Variants in BRK1 observed in about 807,000 individuals in gnomAD.
BRK1 encodes the protein protein BRICK1.
In BRK1, 6 loss-of-function variants were observed where a neutral mutation model predicts 9.9. That is an observed-to-expected ratio of 0.60 (90% CI 0.33 to 1.19). The LOEUF (loss-of-function observed/expected upper bound fraction) is 1.19, where lower values mean the gene tolerates loss of function less well. BRK1 is among the 50% of genes most tolerant of loss of function. The pLI, the probability that BRK1 is intolerant of heterozygous loss-of-function variation, is 0.04. For synonymous variants in BRK1, 44 were observed against 31.9 expected (o/e 1.38, Z -1.28); for missense variants, 62 against 97.5 (o/e 0.64, Z 1.53).
At chr3:10,121,405 T>G (rs1695754288) in intron 1 of BRK1, among the ~76,000 whole-genome samples, 1 of 152,178 alleles carries the variant, frequency 6.6e-6, no homozygotes, top group South Asian at 2.1e-4. Context: ...TAGTGTGCAT[T>G]GGGATGCACA....
rs190910699 is a variant in BRK1 at position 10,123,881 on chromosome 3, A to G, written c.119-1745A>G. 0.17 allele frequency among the ~76,000 whole-genome samples: 24,406 copies of G among 147,466 alleles called. 2,506 individuals are homozygous for G. The highest frequency in any genetic ancestry group is 0.3 in the African/African-American group (11,766 of 39,862). On this transcript the variant is annotated intron_variant, in intron 1 of 2. Coordinates refer to ENST00000530758, the MANE Select transcript of BRK1 (RefSeq NM_018462.5). Reference sequence around the variant, plus strand: ...CTCCCGAGTAGCTGGGACTAGAGGCACCCGCCACCACACCCAGCTAATTTT... The same window carrying G: ...CTCCCGAGTAGCTGGGACTAGAGGCGCCCGCCACCACACCCAGCTAATTTT...
intron 1 of BRK1, among the ~76,000 whole-genome samples, chr3:10,122,085 C>CTT (rs113981551): frequency 1.4e-4 from 20 of 145,208 alleles, no homozygotes; most frequent in South Asian, 1.3e-3. Flanking sequence ...GACAGGATTT[C>CTT]TTTTTTTTTT....
chr3:10,115,822 C>G lies in BRK1; in HGVS notation c.118+3C>G. The G allele has an allele frequency of 1.9e-6, 3 of 1,611,728 alleles. No individual in the cohort carries two copies. Among genetic ancestry groups the G allele is most frequent in the Non-Finnish European group, 2.5e-6 (3 of 1,177,872 alleles). ...CGCAGACTTTCTCAACTCGTTCGGTCAGCGGGCCAGCAAGGGGAGGCGGGG... is the reference window on the plus strand; with the variant it reads ...CGCAGACTTTCTCAACTCGTTCGGTGAGCGGGCCAGCAAGGGGAGGCGGGG... On this transcript the variant is annotated splice_donor_region_variant and intron_variant, in intron 1 of 2. Transcript: ENST00000530758.
Position 10,117,393 on chromosome 3 carries a change from C to CTTTTTTTT in BRK1, c.118+1587_118+1594dup, listed in dbSNP as rs756307171. ...CTTTATTTGGGCTTTTCAACAAATT[C>CTTTTTTTT]TTTTTTTTTTTTTTTTTTTTGAGAC... On this transcript the variant is annotated intron_variant, in intron 1 of 2. Transcript: ENST00000530758. Among the ~76,000 whole-genome samples, 2 of 118,652 alleles carry CTTTTTTTT rather than the reference C, an allele frequency of 1.7e-5. 1 individual carries two copies. The highest frequency in any genetic ancestry group is 3.5e-5 in the Non-Finnish European group (2 of 57,250). 77.8% of individuals were successfully genotyped at this position (118,652 alleles called of 152,430 possible). A position where few individuals can be genotyped will look rare whatever the true frequency, so the allele number is the denominator to read the frequency against.
At chr3:10,126,154 T>C (rs1695837222) in intron 2 of BRK1, 115 bp from the exon 3 acceptor site, 7 of 688,178 alleles carry the variant, frequency 1.0e-5, no homozygotes, top group Non-Finnish European at 1.4e-5. Flanking sequence ...TTCTGTGACT[T>C]CACAGCTATC....
chr3:10,117,418 C>T (rs1311857622), intron 1 of BRK1, among the ~76,000 whole-genome samples: 4 of 117,678 alleles, frequency 3.4e-5, no homozygotes, highest in East Asian at 2.5e-4. Context: ...TTTTTTGAGA[C>T]AGGGTCTCAC....
chr3:10,119,308 T>C (rs1456777098), intron 1 of BRK1, among the ~76,000 whole-genome samples: 1 of 151,870 alleles, frequency 6.6e-6, no homozygotes, highest in Non-Finnish European at 1.5e-5. Flanking sequence ...AATACAAAAA[T>C]TAGCCAGGCA....
At chr3:10,117,427 A>T (rs372507354) in intron 1 of BRK1, among the ~76,000 whole-genome samples, 2 of 129,002 alleles carry the variant, frequency 1.6e-5, no homozygotes, top group African/African-American at 6.1e-5. Context: ...ACAGGGTCTC[A>T]CTCTAGCCCA....
intron 1 of BRK1, among the ~76,000 whole-genome samples, chr3:10,117,393 C>CTTT (rs756307171): frequency 4.0e-4 from 47 of 118,606 alleles, no homozygotes; most frequent in African/African-American, 9.4e-4. Context: ...TCAACAAATT[C>CTTT]TTTTTTTTTT....
intron 1 of BRK1, among the ~76,000 whole-genome samples, chr3:10,118,946 A>T (rs1695720612): frequency 6.6e-6 from 1 of 152,070 alleles, no homozygotes; most frequent in Non-Finnish European, 1.5e-5. Flanking sequence ...GACCTTTATG[A>T]TGATCCACTG....
Position 10,126,310 on chromosome 3 carries a change from G to A in BRK1, c.*15G>A. The A allele has an allele frequency of 6.3e-7, 1 of 1,575,136 alleles. No homozygotes were observed. Among genetic ancestry groups the A allele is most frequent in the Non-Finnish European group, 8.6e-7 (1 of 1,160,132 alleles). ...CACTCACCTAGAACAGTGCCGTGCT[G>A]CTGCTGGGAAGTTGCTTTACACAAC... On this transcript the variant is annotated 3_prime_UTR_variant, in exon 3 of 3. Coordinates refer to ENST00000530758, the MANE Select transcript of BRK1 (RefSeq NM_018462.5).
chr3:10,123,012 G>A (rs1310193208), intron 1 of BRK1, among the ~76,000 whole-genome samples: 1 of 152,154 alleles, frequency 6.6e-6, no homozygotes, highest in African/African-American at 2.4e-5. Flanking sequence ...GAGTCTCAGC[G>A]AATATTTCAG....
At chr3:10,123,441 T>TA (rs1329700785) in intron 1 of BRK1, among the ~76,000 whole-genome samples, 1 of 149,550 alleles carries the variant, frequency 6.7e-6, no homozygotes, top group Non-Finnish European at 1.5e-5. Context: ...TTCTTTCCTT[T>TA]TTTTTTTTTT....
At chr3:10,117,922 C>T (rs988387598) in intron 1 of BRK1, among the ~76,000 whole-genome samples, 1 of 152,122 alleles carries the variant, frequency 6.6e-6, no homozygotes. Flanking sequence ...GCAGGATTAA[C>T]AGTCAAAGGA....
chr3:10,123,732 C>CA (rs1553618022), intron 1 of BRK1, among the ~76,000 whole-genome samples: 2 of 48,694 alleles, frequency 4.1e-5, no homozygotes, highest in South Asian at 1.8e-3. Flanking sequence ...CGTGCCTGGC[C>CA]TTTTTTTTTT....
chr3:10,116,630 C>G (rs1160508569), intron 1 of BRK1, among the ~76,000 whole-genome samples: 1 of 152,126 alleles, frequency 6.6e-6, no homozygotes, highest in Non-Finnish European at 1.5e-5. Context: ...GAACTTGGCA[C>G]TGGTTAGACT....
At chr3:10,115,913 G>A in intron 1 of BRK1, 94 bp downstream of exon 1, 1 of 973,056 alleles carries the variant, frequency 1.0e-6, no homozygotes, top group African/African-American at 1.6e-5. Context: ...GACTCCCGCA[G>A]CCTTCGGCTG....
chr3:10,121,642 A>G (rs1175987161), intron 1 of BRK1, among the ~76,000 whole-genome samples: 2 of 152,190 alleles, frequency 1.3e-5, no homozygotes, highest in Non-Finnish European at 2.9e-5. Flanking sequence ...TAACGGTGAA[A>G]CAGACATGTA....
chr3:10,124,585 C>G (rs1695811550), intron 1 of BRK1, among the ~76,000 whole-genome samples: 1 of 152,176 alleles, frequency 6.6e-6, no homozygotes, highest in Non-Finnish European at 1.5e-5. Flanking sequence ...CACACCTTGG[C>G]CAGCAGTCTT....
Sources: gnomAD v4.1 joint callset for allele counts (sites outside exome capture counted in the v4.1 genomes callset) on GRCh38, gnomAD v4.1.1 for gene constraint, MANE v1.5 for transcripts, NCBI Gene and HGNC (gene_info 2026-07-23, HGNC 2026-07-21) for gene names.